The following ADCK1 variants were observed in gnomAD, a reference collection of about 807,000 sequenced individuals.
ADCK1 encodes the protein aarF domain containing kinase 1.
A neutral mutation model predicts 52.3 loss-of-function variants in ADCK1; 41 were observed. The ratio of observed to expected loss-of-function variants is 0.78; its 90% CI spans 0.61 to 1.02. The LOEUF (loss-of-function observed/expected upper bound fraction) is 1.02. Among genes scored for constraint, ADCK1 ranks in the 50% least tolerant of loss-of-function variants. The pLI is 0.00. For missense variants in ADCK1, 658 were observed against 679.5 expected (o/e 0.97, Z 0.35); for synonymous variants, 250 against 274.6 (o/e 0.91, Z 0.89).
At chr14:77,918,684 A>G (rs1171120342) in intron 7 of ADCK1, among the ~76,000 whole-genome samples, 2 of 152,220 alleles carry the variant, frequency 1.3e-5, no homozygotes, top group Non-Finnish European at 2.9e-5. Context: ...CTGTTATCCA[A>G]CACTTAGAAA....
At chr14:77,816,426 T>TCCA (rs1566630899) in intron 1 of ADCK1, among the ~76,000 whole-genome samples, 12 of 151,702 alleles carry the variant, frequency 7.9e-5, no homozygotes, top group African/African-American at 2.4e-4. Flanking sequence ...CCTTTCTGAT[T>TCCA]GTGGATCTTA....
intron 9 of ADCK1, among the ~76,000 whole-genome samples, chr14:77,927,420 A>G (rs1471559959): frequency 6.6e-6 from 1 of 152,210 alleles, no homozygotes; most frequent in Non-Finnish European, 1.5e-5. Flanking sequence ...GTGCTTACCC[A>G]TAGTTCCTGA....
chr14:77,851,730 T>C (rs2082288582), intron 3 of ADCK1, among the ~76,000 whole-genome samples: 2 of 152,178 alleles, frequency 1.3e-5, no homozygotes. Context: ...TATAAGAATC[T>C]TAAAATCGTA....
chr14:77,843,442 CAG>C (rs1173698731), intron 3 of ADCK1, among the ~76,000 whole-genome samples: 3 of 152,148 alleles, frequency 2.0e-5, no homozygotes, highest in Non-Finnish European at 4.4e-5. Flanking sequence ...TGCATCTTCT[CAG>C]TGTGTGTGAT....
chr14:77,874,777 A>G (rs537170300), intron 4 of ADCK1, among the ~76,000 whole-genome samples: 1 of 152,214 alleles, frequency 6.6e-6, no homozygotes, highest in Non-Finnish European at 1.5e-5. Flanking sequence ...GGGGAATAGC[A>G]GCTGTTAAAT....
intron 4 of ADCK1, among the ~76,000 whole-genome samples, chr14:77,863,488 C>G (rs1291510226): frequency 6.6e-6 from 1 of 151,678 alleles, no homozygotes. Context: ...ACACACACAT[C>G]TATACCTGCC....
chr14:77,857,849 G>A (rs10130790), intron 3 of ADCK1, among the ~76,000 whole-genome samples: 130,342 of 152,176 alleles, frequency 0.86, 55,955 homozygotes, highest in Middle Eastern at 0.93. Context: ...GAGATGGGAG[G>A]AGGCAGGTAC....
At chr14:77,897,884 G>C (rs2083445877) in intron 5 of ADCK1, among the ~76,000 whole-genome samples, 1 of 152,182 alleles carries the variant, frequency 6.6e-6, no homozygotes, top group South Asian at 2.1e-4. Context: ...TTCAGAGCAA[G>C]GGCTGTAGAG....
chr14:77,828,162 C>T (rs1197091117), intron 3 of ADCK1, among the ~76,000 whole-genome samples: 1 of 152,092 alleles, frequency 6.6e-6, no homozygotes, highest in African/African-American at 2.4e-5. Context: ...TGGGGTTTCA[C>T]CATGTTGGCC....
chr14:77,822,655 T>C (rs2081608233), intron 3 of ADCK1, 137 bp downstream of exon 3: 3 of 748,000 alleles, frequency 4.0e-6, no homozygotes, highest in Non-Finnish European at 6.7e-6. Flanking sequence ...CGGCCTAGGA[T>C]TGGATAAATC....
At chr14:77,841,389 G>A (rs939453455) in intron 3 of ADCK1, among the ~76,000 whole-genome samples, 1 of 152,148 alleles carries the variant, frequency 6.6e-6, no homozygotes, top group Non-Finnish European at 1.5e-5. Context: ...GGCCTCCTAC[G>A]TGGCAGTGAA....
intron 7 of ADCK1, chr14:77,924,185 C>CCTAA (rs1181788833): frequency 2.5e-6 from 1 of 396,508 alleles, no homozygotes; most frequent in Non-Finnish European, 4.6e-6. Flanking sequence ...AGTTCTCCTA[C>CCTAA]CTAATCCCAT....
intron 5 of ADCK1, among the ~76,000 whole-genome samples, chr14:77,889,240 A>T (rs893540944): frequency 6.6e-6 from 1 of 152,240 alleles, no homozygotes; most frequent in Non-Finnish European, 1.5e-5. Context: ...AGAACAGACT[A>T]ATACACATAC....
chr14:77,877,349 A>G (rs2082923259), intron 4 of ADCK1, among the ~76,000 whole-genome samples: 1 of 152,226 alleles, frequency 6.6e-6, no homozygotes, highest in African/African-American at 2.4e-5. Context: ...CTGATAGCAA[A>G]TGGAGCTGCT....
chr14:77,808,877 A>G (rs1466750629), intron 1 of ADCK1, among the ~76,000 whole-genome samples: 1 of 152,000 alleles, frequency 6.6e-6, no homozygotes, highest in African/African-American at 2.4e-5. Flanking sequence ...CACCTGGCCC[A>G]CTGCAGTTAT....
At chr14:77,840,870 G>C (rs968764434) in intron 3 of ADCK1, among the ~76,000 whole-genome samples, 3 of 147,586 alleles carry the variant, frequency 2.0e-5, no homozygotes, top group Non-Finnish European at 4.5e-5. Context: ...GCAGCAGGGA[G>C]GGAGGGAGAG....
At chr14:77,830,256 C>T (rs957039726) in intron 3 of ADCK1, among the ~76,000 whole-genome samples, 2 of 151,174 alleles carry the variant, frequency 1.3e-5, no homozygotes, top group Non-Finnish European at 3.0e-5. Flanking sequence ...CAGGTTCAAG[C>T]GATTCTCCCA....
At chr14:77,917,301 G>A (rs2083947330) in intron 7 of ADCK1, among the ~76,000 whole-genome samples, 2 of 152,080 alleles carry the variant, frequency 1.3e-5, no homozygotes, top group Admixed American at 1.3e-4. Context: ...AGAAACTGGA[G>A]GAAAGGCAGA....
At chr14:77,921,557 A>C (rs1000571718) in intron 7 of ADCK1, among the ~76,000 whole-genome samples, 2 of 152,122 alleles carry the variant, frequency 1.3e-5, no homozygotes, top group African/African-American at 4.8e-5. Context: ...CAGATCTCCC[A>C]TGCCCAGAGT....
Sources: gnomAD v4.1 joint callset for allele counts (sites outside exome capture counted in the v4.1 genomes callset) on GRCh38, gnomAD v4.1.1 for gene constraint, MANE v1.5 for transcripts, NCBI Gene and HGNC (gene_info 2026-07-23, HGNC 2026-07-21) for gene names.